The following CDC123 variants were observed in gnomAD, a reference collection of about 807,000 sequenced individuals.
CDC123 encodes the protein cell division cycle 123.
In CDC123, 37 loss-of-function variants were observed where a neutral mutation model predicts 54.4. The ratio of observed to expected loss-of-function variants is 0.68; its 90% CI spans 0.52 to 0.89. The LOEUF (loss-of-function observed/expected upper bound fraction) is 0.89. CDC123 is among the 40% of genes least tolerant of loss of function. The pLI is 0.00. For missense variants in CDC123, 361 were observed against 412.1 expected, an observed-to-expected ratio of 0.88 and a Z score of 1.07; for synonymous variants, 144 against 136.8, an observed-to-expected ratio of 1.05 and a Z score of -0.37.
At position 12,250,514 on chromosome 10, in the gene CDC123, A is replaced by G; in HGVS notation, c.*177A>G. 1 of 685,762 alleles carries G rather than the reference A, an allele frequency of 1.5e-6. No individual in the cohort carries two copies. Among genetic ancestry groups the G allele is most frequent in the Non-Finnish European group, 2.7e-6 (1 of 369,792 alleles). The allele number at this position is 685,762 out of a possible 1,614,324, so 42.5% of individuals were successfully genotyped here. A position where few individuals can be genotyped will look rare whatever the true frequency, so the allele number is the denominator to read the frequency against. On this transcript the variant is annotated 3_prime_UTR_variant, in exon 13 of 13. Coordinates refer to ENST00000281141, the MANE Select transcript of CDC123 (RefSeq NM_006023.3). ...AAAACGGAGGGACTTTGCTACTTGT[A>G]AAAATAACATAATAAATAGATCTTA... is the stretch of plus-strand genomic sequence containing the variant.
intron 10 of CDC123, chr10:12,245,887 A>G: frequency 6.9e-6 from 2 of 290,738 alleles, no homozygotes; most frequent in Non-Finnish European, 1.3e-5. Flanking sequence ...CCTGGGCAAC[A>G]TGGCGAGACC....
chr10:12,210,050 T>C (rs755613549), intron 3 of CDC123, 26 bp downstream of exon 3: 15 of 1,606,828 alleles, frequency 9.3e-6, no homozygotes, highest in Non-Finnish European at 1.0e-5. Flanking sequence ...AATAATCTGT[T>C]CTGTAGACTG....
intron 2 of CDC123, among the ~76,000 whole-genome samples, chr10:12,202,296 G>T (rs1385616873): frequency 1.3e-5 from 2 of 152,164 alleles, no homozygotes; most frequent in Non-Finnish European, 2.9e-5. Flanking sequence ...GTCAGTTCTA[G>T]AATTTCGTAT....
chr10:12,223,312 G>A (rs553120937), intron 6 of CDC123, among the ~76,000 whole-genome samples: 1 of 151,940 alleles, frequency 6.6e-6, no homozygotes, highest in South Asian at 2.1e-4. Flanking sequence ...TTGAGACAGA[G>A]TCTCGCTCTG....
chr10:12,246,437 AAAG>A, intron 11 of CDC123, 160 bp downstream of exon 11: 2 of 731,384 alleles, frequency 2.7e-6, no homozygotes, highest in South Asian at 2.2e-5. Context: ...GGTGGTGGTC[AAAG>A]AAGGGGGCCC....
intron 4 of CDC123, among the ~76,000 whole-genome samples, chr10:12,212,793 G>A (rs893269205): frequency 6.6e-6 from 1 of 152,228 alleles, no homozygotes; most frequent in African/African-American, 2.4e-5. Context: ...TGCATAAGGT[G>A]TATATGAAAC....
At chr10:12,196,372 C>T (rs1355050840) in intron 1 of CDC123, 53 bp downstream of exon 1, 1 of 1,611,698 alleles carries the variant, frequency 6.2e-7, no homozygotes, top group Non-Finnish European at 8.5e-7. Flanking sequence ...ACTGCGACTT[C>T]TGAGCGAATC....
At chr10:12,247,039 ACCGCCCACT>A in intron 11 of CDC123, 1 of 99,142 alleles carries the variant, frequency 1.0e-5, no homozygotes, top group Non-Finnish European at 2.0e-5. Context: ...CTCCTCTCTC[ACCGCCCACT>A]CCGGACACTG....
chr10:12,215,583 A>G (rs138358404), intron 4 of CDC123, among the ~76,000 whole-genome samples, 157 bp from the exon 5 acceptor site: 1 of 152,286 alleles, frequency 6.6e-6, no homozygotes, highest in African/African-American at 2.4e-5. Context: ...GTACTTTATC[A>G]CTGATTTTAT....
intron 2 of CDC123, among the ~76,000 whole-genome samples, chr10:12,199,074 A>T (rs2131728501): frequency 6.6e-6 from 1 of 152,300 alleles, no homozygotes; most frequent in East Asian, 1.9e-4. Flanking sequence ...GGAAGTACAT[A>T]TTAAAATTCT....
At chr10:12,201,784 CTG>C (rs949663846) in intron 2 of CDC123, among the ~76,000 whole-genome samples, 13 of 152,096 alleles carry the variant, frequency 8.5e-5, no homozygotes, top group African/African-American at 2.9e-4. Flanking sequence ...TGGCAGGTGA[CTG>C]TGGAAATGGA....
At chr10:12,209,904 G>A in intron 2 of CDC123, 63 bp from the exon 3 acceptor site, 1 of 1,512,168 alleles carries the variant, frequency 6.6e-7, no homozygotes, top group Non-Finnish European at 9.2e-7. Flanking sequence ...CAGTACCCCT[G>A]AAATTAGGAG....
chr10:12,231,861 T>C (rs1362974545), intron 7 of CDC123, among the ~76,000 whole-genome samples: 1 of 152,036 alleles, frequency 6.6e-6, no homozygotes, highest in Non-Finnish European at 1.5e-5. Flanking sequence ...TTTTTTCTTT[T>C]TTGAGATACA....
intron 1 of CDC123, among the ~76,000 whole-genome samples, chr10:12,196,911 A>G (rs1440194613): frequency 6.6e-6 from 1 of 152,232 alleles, no homozygotes; most frequent in Non-Finnish European, 1.5e-5. Context: ...AAGTATTAAT[A>G]TATACAATTT....
Position 12,209,957 on chromosome 10 carries a change from G to A in CDC123, c.147-10G>A, listed in dbSNP as rs1564434142. The stretch of plus-strand genomic sequence containing the variant: ...CTTTTCTTTCTTGATGTTTGTTTGT[G>A]TTTTTTTAGGGATGATCCACCAACA... On this transcript the variant is annotated splice_polypyrimidine_tract_variant and intron_variant, in intron 2 of 12. Coordinates refer to ENST00000281141, the MANE Select transcript of CDC123 (RefSeq NM_006023.3). The A allele has an allele frequency of 6.2e-7, 1 of 1,613,908 alleles. No individual in the cohort carries two copies. Among genetic ancestry groups the A allele is most frequent in the Non-Finnish European group, 8.5e-7 (1 of 1,179,856 alleles).
Position 12,244,628 on chromosome 10 carries a change from G to GT in CDC123, c.718-1509dup, listed in dbSNP as rs112808625. On this transcript the variant is annotated intron_variant, in intron 10 of 12. Transcript: ENST00000281141. ...GACATTTCTTTCAGAGGTTGGGGTGGTTTTTTTTTTTTCTTTTTTCTTTTT... is the reference window on the plus strand; with the variant it reads ...GACATTTCTTTCAGAGGTTGGGGTGGTTTTTTTTTTTTTCTTTTTTCTTTTT... 598 of 139,752 alleles carry GT rather than the reference G, an allele frequency of 4.3e-3. 3 individuals are homozygous for GT. The highest frequency in any genetic ancestry group is 0.035 in the South Asian group (157 of 4,432). 8.7% of individuals were successfully genotyped at this position (139,752 alleles called of 1,614,324 possible). A position where few individuals can be genotyped will look rare whatever the true frequency, so the allele number is the denominator to read the frequency against.
chr10:12,209,721 C>T (rs1023687444), intron 2 of CDC123, among the ~76,000 whole-genome samples: 1 of 152,118 alleles, frequency 6.6e-6, no homozygotes, highest in African/African-American at 2.4e-5. Context: ...CATGCCACCT[C>T]GCCCAGCTAA....
intron 6 of CDC123, among the ~76,000 whole-genome samples, chr10:12,221,767 A>AT (rs1489863214): frequency 4.6e-5 from 7 of 150,760 alleles, no homozygotes; most frequent in Non-Finnish European, 1.0e-4. Context: ...AATAAATTTT[A>AT]TTAAAATTTA....
chr10:12,241,934 C>T (rs143537511), intron 10 of CDC123, among the ~76,000 whole-genome samples: 1 of 150,496 alleles, frequency 6.6e-6, no homozygotes, highest in Non-Finnish European at 1.5e-5. Flanking sequence ...TCCCACAGCA[C>T]TAGAGTTGAT....
Sources: allele counts gnomAD v4.1 joint callset (sites outside exome capture counted in the v4.1 genomes callset), GRCh38; gene constraint gnomAD v4.1.1; transcripts MANE v1.5; gene names NCBI Gene and HGNC (gene_info 2026-07-23, HGNC 2026-07-21).